The following CCSER1 variants were observed in gnomAD, a reference collection of about 807,000 sequenced individuals.
The protein encoded by CCSER1 is serine-rich coiled-coil domain-containing protein 1.
In CCSER1, 41 loss-of-function variants were observed where a neutral mutation model predicts 82.0. That is an observed-to-expected ratio of 0.50 (90% confidence interval 0.39 to 0.65). CCSER1 has a LOEUF of 0.65. CCSER1 is among the 30% of genes least tolerant of loss of function. CCSER1 has a pLI of 0.00. For synonymous variants in CCSER1, 414 were observed against 383.9 expected, an observed-to-expected ratio of 1.08 and a Z score of -0.92; for missense variants, 1,119 against 1,064.2, an observed-to-expected ratio of 1.05 and a Z score of -0.72.
intron 6 of CCSER1, among the ~76,000 whole-genome samples, chr4:90,707,739 C>T (rs186889150): frequency 1.3e-5 from 2 of 151,984 alleles, no homozygotes; most frequent in African/African-American, 4.8e-5. Flanking sequence ...GAAATCCAGC[C>T]CACACTCAAG....
chr4:90,909,366 G>A (rs1313273447), intron 8 of CCSER1, among the ~76,000 whole-genome samples: 1 of 152,094 alleles, frequency 6.6e-6, no homozygotes, highest in Non-Finnish European at 1.5e-5. Context: ...ACAGTGCAGA[G>A]GCCATTGGAA....
chr4:91,377,126 C>T (rs1256899568), intron 10 of CCSER1, among the ~76,000 whole-genome samples: 1 of 152,164 alleles, frequency 6.6e-6, no homozygotes, highest in Admixed American at 6.5e-5. Flanking sequence ...ATATGTGTCA[C>T]ATTTTCTTAA....
At chr4:90,841,021 G>C (rs1346515255) in intron 8 of CCSER1, among the ~76,000 whole-genome samples, 1 of 152,140 alleles carries the variant, frequency 6.6e-6, no homozygotes, top group Non-Finnish European at 1.5e-5. Flanking sequence ...TCCTGATTGA[G>C]ATTTTTGAGA....
intron 8 of CCSER1, among the ~76,000 whole-genome samples, chr4:90,901,948 A>G (rs1393115701): frequency 6.6e-6 from 1 of 151,884 alleles, no homozygotes; most frequent in East Asian, 1.9e-4. Context: ...GTTGTTTTTC[A>G]TAATCCGATA....
intron 7 of CCSER1, among the ~76,000 whole-genome samples, chr4:90,752,552 G>C (rs1160178367): frequency 6.6e-6 from 1 of 151,980 alleles, no homozygotes; most frequent in Non-Finnish European, 1.5e-5. Flanking sequence ...TTTTCAGTTT[G>C]TCATTTTCCA....
intron 10 of CCSER1, among the ~76,000 whole-genome samples, chr4:91,552,836 T>C (rs1380531104): frequency 4.0e-5 from 6 of 151,710 alleles, no homozygotes; most frequent in African/African-American, 1.5e-4. Context: ...GATAATTTTT[T>C]CTTCCTTTTT....
At chr4:90,228,515 T>C (rs1432038606) in intron 1 of CCSER1, among the ~76,000 whole-genome samples, 2 of 150,318 alleles carry the variant, frequency 1.3e-5, no homozygotes, top group Non-Finnish European at 3.0e-5. Flanking sequence ...ACCACCAAGA[T>C]GGGGAAAAAA....
At chr4:90,941,844 G>GTATA (rs1731624626) in intron 9 of CCSER1, among the ~76,000 whole-genome samples, 1 of 152,008 alleles carries the variant, frequency 6.6e-6, no homozygotes, top group African/African-American at 2.4e-5. Flanking sequence ...ATAGATCGAT[G>GTATA]TATATATCCC....
intron 10 of CCSER1, among the ~76,000 whole-genome samples, chr4:91,250,009 G>A (rs751801282): frequency 8.8e-4 from 134 of 151,718 alleles, no homozygotes; most frequent in Non-Finnish European, 1.3e-3. Flanking sequence ...TGTCGTTCAG[G>A]GATTTATTCA....
intron 10 of CCSER1, among the ~76,000 whole-genome samples, chr4:91,220,000 T>C (rs911701610): frequency 6.6e-6 from 1 of 152,172 alleles, no homozygotes; most frequent in African/African-American, 2.4e-5. Context: ...TATAAATCAG[T>C]TAAACCTAGA....
intron 1 of CCSER1, among the ~76,000 whole-genome samples, chr4:90,234,157 T>C (rs1745279581): frequency 6.6e-6 from 1 of 152,006 alleles, no homozygotes; most frequent in Non-Finnish European, 1.5e-5. Context: ...GCAAAAATAA[T>C]TGCTGAAATT....
intron 10 of CCSER1, among the ~76,000 whole-genome samples, chr4:91,224,600 A>G (rs1335460430): frequency 6.6e-6 from 1 of 152,060 alleles, no homozygotes; most frequent in Admixed American, 6.6e-5. Context: ...AATCTTATCT[A>G]TATGGACAGC....
intron 7 of CCSER1, among the ~76,000 whole-genome samples, chr4:90,807,996 T>C (rs1470713782): frequency 1.3e-5 from 2 of 152,206 alleles, no homozygotes; most frequent in Admixed American, 1.3e-4. Context: ...CAAATTTTAC[T>C]ACAAGGCTAT....
intron 10 of CCSER1, among the ~76,000 whole-genome samples, chr4:91,233,449 A>G (rs1314033610): frequency 6.6e-6 from 1 of 151,944 alleles, no homozygotes; most frequent in Non-Finnish European, 1.5e-5. Flanking sequence ...AAGTTATTGA[A>G]TAGAACACAC....
chr4:90,569,624 C>A (rs1309005720), intron 5 of CCSER1, among the ~76,000 whole-genome samples: 1 of 152,172 alleles, frequency 6.6e-6, no homozygotes, highest in Non-Finnish European at 1.5e-5. Context: ...GCAGGAAGAG[C>A]TGCCCAAAGA....
chr4:90,819,778 G>A (rs546836411), intron 8 of CCSER1, among the ~76,000 whole-genome samples: 28 of 152,210 alleles, frequency 1.8e-4, no homozygotes, highest in South Asian at 1.7e-3. Flanking sequence ...TATTATCCCT[G>A]AAATATTTAT....
At chr4:90,271,862 A>ATATATATATATAT (rs1553982816) in intron 1 of CCSER1, among the ~76,000 whole-genome samples, 2 of 21,746 alleles carry the variant, frequency 9.2e-5, no homozygotes, top group African/African-American at 2.6e-4. Flanking sequence ...ATATATATAT[A>ATATATATATATAT]TTTTTTTTTT....
intron 1 of CCSER1, among the ~76,000 whole-genome samples, chr4:90,276,600 C>T (rs1482558955): frequency 6.6e-6 from 1 of 151,982 alleles, no homozygotes; most frequent in Non-Finnish European, 1.5e-5. Context: ...CCTGCCTTGC[C>T]CACCCAAAGT....
intron 10 of CCSER1, among the ~76,000 whole-genome samples, chr4:91,276,472 G>T (rs1742457214): frequency 6.6e-6 from 1 of 151,764 alleles, no homozygotes; most frequent in Non-Finnish European, 1.5e-5. Context: ...TAACACTACT[G>T]ATTTTTGTAT....
Sources: allele counts gnomAD v4.1 joint callset (sites outside exome capture counted in the v4.1 genomes callset), GRCh38; gene constraint gnomAD v4.1.1; transcripts MANE v1.5; gene names NCBI Gene and HGNC (gene_info 2026-07-23, HGNC 2026-07-21).